Variants in CCDC102B observed in about 807,000 individuals in gnomAD.
The protein encoded by CCDC102B is coiled-coil domain containing 102B, also known as coiled-coil domain-containing protein 102B.
A neutral mutation model predicts 57.4 loss-of-function variants in CCDC102B; 75 were observed. The observed-to-expected ratio is 1.31, with a 90% CI of 1.08 to 1.58. CCDC102B has a LOEUF of 1.58. Among genes scored for constraint, CCDC102B ranks in the 40% most tolerant of loss-of-function variants. The pLI is 0.00. For synonymous variants in CCDC102B, 206 were observed against 201.9 expected (o/e 1.02, Z -0.17); for missense variants, 636 against 582.6 (o/e 1.09, Z -0.94).
In CCDC102B at chr18:68,846,447, A is replaced by G. The variant is rs747388560; in HGVS notation, c.936+26A>G. The G allele has an allele frequency of 3.6e-6, 5 of 1,404,856 alleles. No homozygotes were observed. The South Asian group carries it at 3.8e-5, about 11-fold the overall frequency. The allele number at this position is 1,404,856 out of a possible 1,614,324, so 87.0% of individuals were successfully genotyped here. A position where few individuals can be genotyped will look rare whatever the true frequency, so the allele number is the denominator to read the frequency against. On this transcript the variant is annotated intron_variant, in intron 4 of 7. Transcript: ENST00000360242. ...GTATGGGGGAATATGATGTAAAGGA[A>G]GAAATGAAGCCTAGCTTTTTCTTTC...
intron 2 of CCDC102B, among the ~76,000 whole-genome samples, chr18:68,730,461 GA>G (rs1260375396): frequency 6.6e-6 from 1 of 152,068 alleles, no homozygotes; most frequent in African/African-American, 2.4e-5. Flanking sequence ...GGACTCCGAA[GA>G]AATATTTTGG....
intron 1 of CCDC102B, among the ~76,000 whole-genome samples, chr18:68,834,172 A>G (rs1057406106): frequency 4.6e-5 from 7 of 152,152 alleles, no homozygotes; most frequent in Non-Finnish European, 8.8e-5. Flanking sequence ...GTGAAAAAAT[A>G]CACAGTTAAT....
At chr18:68,805,145 A>G (rs2035988159) in intron 1 of CCDC102B, among the ~76,000 whole-genome samples, 1 of 152,202 alleles carries the variant, frequency 6.6e-6, no homozygotes, top group Non-Finnish European at 1.5e-5. Context: ...TCTTATAATT[A>G]CATATCTTTT....
intron 6 of CCDC102B, among the ~76,000 whole-genome samples, chr18:68,968,454 T>C (rs1297731305): frequency 1.3e-5 from 2 of 152,142 alleles, no homozygotes; most frequent in Non-Finnish European, 2.9e-5. Flanking sequence ...TTTCCAAAAT[T>C]CAAAATCCAT....
At chr18:68,834,563 G>C (rs1168688132) in intron 1 of CCDC102B, among the ~76,000 whole-genome samples, 2 of 149,880 alleles carry the variant, frequency 1.3e-5, no homozygotes, top group Admixed American at 1.3e-4. Context: ...TAAATGAAGG[G>C]AACAAAACAC....
At chr18:69,008,395 A>T (rs183715810) in intron 6 of CCDC102B, among the ~76,000 whole-genome samples, 27 of 152,324 alleles carry the variant, frequency 1.8e-4, no homozygotes, top group African/African-American at 6.5e-4. Context: ...CCAGAAAACG[A>T]GTTCGAGTGT....
chr18:68,726,974 G>T (rs1216000105), intron 2 of CCDC102B, among the ~76,000 whole-genome samples: 1 of 152,126 alleles, frequency 6.6e-6, no homozygotes, highest in African/African-American at 2.4e-5. Flanking sequence ...GGAAGAAAAG[G>T]TTCTTGCTCC....
chr18:68,965,150 A>G (rs1051235504), intron 6 of CCDC102B, among the ~76,000 whole-genome samples: 2 of 151,870 alleles, frequency 1.3e-5, no homozygotes, highest in Admixed American at 1.3e-4. Flanking sequence ...ATTTTCACCT[A>G]TGTCTTCTAT....
At chr18:68,746,096 G>A (rs1431494017) in intron 2 of CCDC102B, among the ~76,000 whole-genome samples, 1 of 151,968 alleles carries the variant, frequency 6.6e-6, no homozygotes, top group Non-Finnish European at 1.5e-5. Flanking sequence ...CTAATTTATA[G>A]CAAATTTTAA....
intron 1 of CCDC102B, among the ~76,000 whole-genome samples, chr18:68,813,572 T>C (rs1368883306): frequency 1.3e-5 from 2 of 150,934 alleles, no homozygotes; most frequent in Non-Finnish European, 2.9e-5. Context: ...ACCAGAAATG[T>C]AGGTTAGTTA....
chr18:68,919,629 A>G (rs967001360), intron 6 of CCDC102B, among the ~76,000 whole-genome samples: 4 of 152,146 alleles, frequency 2.6e-5, no homozygotes, highest in African/African-American at 7.2e-5. Context: ...CATACACAGT[A>G]TGAACTTGAA....
Position 68,956,619 on chromosome 18 carries a change from A to AT in CCDC102B, c.1264-54315_1264-54314insT, listed in dbSNP as rs571031358. Reference sequence around the variant, plus strand: ...TATATTATATATATATAAAATATATAATATATATATCGCACCATACATATA... The same window carrying AT: ...TATATTATATATATATAAAATATATATATATATATATCGCACCATACATATA... On this transcript the variant is annotated intron_variant, in intron 6 of 7. Coordinates refer to ENST00000360242, the MANE Select transcript of CCDC102B (RefSeq NM_024781.3). Among the ~76,000 whole-genome samples the AT allele has an allele frequency of 3.8e-3, 221 of 58,658 alleles. 8 individuals are homozygous for AT. The highest frequency in any genetic ancestry group is 0.034 in the African/African-American group (196 of 5,752). 38.5% of individuals were successfully genotyped at this position (58,658 alleles called of 152,430 possible). A position where few individuals can be genotyped will look rare whatever the true frequency, so the allele number is the denominator to read the frequency against.
chr18:68,880,085 C>T (rs1450617622), intron 5 of CCDC102B, among the ~76,000 whole-genome samples: 2 of 152,072 alleles, frequency 1.3e-5, no homozygotes, highest in Non-Finnish European at 1.5e-5. Context: ...CACGGGAGCC[C>T]ATGGAGGGGG....
At chr18:68,895,924 G>C (rs950556417) in intron 5 of CCDC102B, among the ~76,000 whole-genome samples, 1 of 151,858 alleles carries the variant, frequency 6.6e-6, no homozygotes, top group African/African-American at 2.4e-5. Flanking sequence ...AAATATATGA[G>C]AGAAACATAC....
rs180820112 is a variant in CCDC102B at position 68,771,424 on chromosome 18, G to T, written c.-66-51942G>T. 3.1e-3 allele frequency among the ~76,000 whole-genome samples: 478 copies of T among 152,220 alleles called. 2 individuals carry two copies. The highest frequency in any genetic ancestry group is 3.8e-3 in the Non-Finnish European group (257 of 68,018). ...AATCATCAGGGACGTAGTGTGTCAG[G>T]GTGCAAAATAACGATGACTGAACAT... On this transcript the variant is annotated intron_variant, in intron 2 of 3. Coordinates refer to the CCDC102B transcript ENST00000578970.
intron 6 of CCDC102B, among the ~76,000 whole-genome samples, chr18:68,913,543 T>G (rs919593982): frequency 2.0e-5 from 3 of 151,788 alleles, no homozygotes; most frequent in African/African-American, 7.3e-5. Context: ...TAATCCCAGC[T>G]ACCTGGGAGG....
chr18:68,724,382 T>C (rs1223669986), intron 2 of CCDC102B, among the ~76,000 whole-genome samples: 1 of 152,136 alleles, frequency 6.6e-6, no homozygotes, highest in African/African-American at 2.4e-5. Context: ...CCCCAGAAAA[T>C]GGGGTTTTCT....
rs1439457256 is a variant in CCDC102B at position 69,011,077 on chromosome 18, G to T, written c.1407G>T (p.Lys469Asn). The change falls in exon 7 of 8, where the codon AAG (lysine) becomes AAT (asparagine). Residue 469 changes from lysine (K) to asparagine (N), a missense_variant. Coordinates refer to ENST00000360242, the MANE Select transcript of CCDC102B (RefSeq NM_024781.3). ...TAAGATTACGAGTGGAAGAACTAAA[G>T]CAGGGACTCAATCAAAAAGAAGATG... The part of the protein sequence containing the change: ...KKLRLRVEEL[K>N]QGLNQKEDEL... 6.2e-7 allele frequency: 1 copy of T among 1,613,498 alleles called. No homozygotes were observed. Among genetic ancestry groups the T allele is most frequent in the Non-Finnish European group, 8.5e-7 (1 of 1,179,790 alleles).
intron 5 of CCDC102B, among the ~76,000 whole-genome samples, chr18:68,876,967 C>T (rs373090905): frequency 6.6e-6 from 1 of 152,096 alleles, no homozygotes; most frequent in African/African-American, 2.4e-5. Flanking sequence ...AGTTGAATAA[C>T]CAATGAAAGC....
Sources: gnomAD v4.1 joint callset for allele counts (sites outside exome capture counted in the v4.1 genomes callset) on GRCh38, gnomAD v4.1.1 for gene constraint, MANE v1.5 for transcripts, NCBI Gene and HGNC (gene_info 2026-07-23, HGNC 2026-07-21) for gene names.